Variants in ARMC3 observed in about 807,000 individuals in gnomAD.
The protein encoded by ARMC3 is armadillo repeat containing 3, also known as armadillo repeat-containing protein 3.
In ARMC3, 74 loss-of-function variants were observed where a neutral mutation model predicts 90.3. The ratio of observed to expected loss-of-function variants is 0.82; its 90% CI spans 0.68 to 0.99. ARMC3 has a LOEUF of 0.99. Among genes scored for constraint, ARMC3 ranks in the 50% least tolerant of loss-of-function variants. The pLI is 0.00. For synonymous variants in ARMC3, 334 were observed against 361.8 expected (o/e 0.92, Z 0.87); for missense variants, 958 against 1,042.8 (o/e 0.92, Z 1.12).
intron 10 of ARMC3, among the ~76,000 whole-genome samples, chr10:22,993,271 C>G (rs972313696): frequency 1.3e-5 from 2 of 152,182 alleles, no homozygotes; most frequent in Non-Finnish European, 2.9e-5. Context: ...ACAGAGTCAA[C>G]AATGTCTGCA....
chr10:23,012,374 G>A (rs1041765265), intron 16 of ARMC3, among the ~76,000 whole-genome samples: 3 of 151,912 alleles, frequency 2.0e-5, no homozygotes, highest in African/African-American at 4.8e-5. Context: ...TTGCAATACC[G>A]TAAATATCAA....
At chr10:22,994,884 AC>A (rs1836882312) in intron 10 of ARMC3, among the ~76,000 whole-genome samples, 1 of 152,224 alleles carries the variant, frequency 6.6e-6, no homozygotes, top group African/African-American at 2.4e-5. Flanking sequence ...AATGATATAA[AC>A]AGATGTTTTC....
At position 22,928,079 on chromosome 10, in the gene ARMC3, C is replaced by T. The variant is rs1326271293; in HGVS notation, c.-29C>T. 1.3e-5 allele frequency: 2 copies of T among 152,438 alleles called. No individual in the cohort carries two copies. The highest frequency in any genetic ancestry group is 4.8e-5 in the African/African-American group (2 of 41,474). 9.4% of individuals were successfully genotyped at this position (152,438 alleles called of 1,614,324 possible). A position where few individuals can be genotyped will look rare whatever the true frequency, so the allele number is the denominator to read the frequency against. On this transcript the variant is annotated 5_prime_UTR_variant, in exon 1 of 19. Coordinates refer to ENST00000298032, the MANE Select transcript of ARMC3 (RefSeq NM_173081.5). Reference sequence around the variant, plus strand: ...TTCGTCTGCTGGGTTTGCGGAGCAGCTAGCTACTCGGCGGGATCTCCCGGC... The same window carrying T: ...TTCGTCTGCTGGGTTTGCGGAGCAGTTAGCTACTCGGCGGGATCTCCCGGC...
chr10:22,958,256 A>C (rs180774071), intron 4 of ARMC3, among the ~76,000 whole-genome samples: 4 of 152,308 alleles, frequency 2.6e-5, no homozygotes, highest in Non-Finnish European at 2.9e-5. Flanking sequence ...TAGTATAAAA[A>C]TGTACTTTAA....
intron 10 of ARMC3, among the ~76,000 whole-genome samples, chr10:22,988,632 T>C (rs991831408): frequency 1.3e-5 from 2 of 152,212 alleles, no homozygotes; most frequent in Non-Finnish European, 2.9e-5. Flanking sequence ...GATGGTCATT[T>C]TGAAGGGGGG....
At chr10:22,965,638 C>G (rs1334320837) in intron 7 of ARMC3, among the ~76,000 whole-genome samples, 1 of 152,148 alleles carries the variant, frequency 6.6e-6, no homozygotes, top group Non-Finnish European at 1.5e-5. Context: ...TTCCTTCTCT[C>G]CCTCCGGAAC....
intron 18 of ARMC3, among the ~76,000 whole-genome samples, chr10:23,036,594 C>T (rs558484575): frequency 3.9e-5 from 6 of 152,258 alleles, no homozygotes; most frequent in African/African-American, 1.2e-4. Context: ...TGCTGGGGTG[C>T]GCGGCTAGTC....
intron 10 of ARMC3, among the ~76,000 whole-genome samples, chr10:22,992,525 C>A (rs1269091003): frequency 2.0e-5 from 3 of 152,100 alleles, no homozygotes; most frequent in African/African-American, 4.8e-5. Context: ...TCATTTTAAG[C>A]ATAAGCCTAC....
rs778468001 is a variant in ARMC3 at position 22,959,591 on chromosome 10, AAAAGCGTTCTGATG to A, written c.537+23_537+36del. 6.4e-7 allele frequency: 1 copy of A among 1,568,376 alleles called. No homozygotes were observed. The highest frequency in any genetic ancestry group is 1.2e-5 in the South Asian group (1 of 83,488). ...TTGGTGCAGGTAAGATTAATTTCTA[AAAAGCGTTCTGATG>A]AAAGCTCATTTTAGAATTTATTTTC... On this transcript the variant is annotated intron_variant, in intron 6 of 18. Coordinates refer to ENST00000298032, the MANE Select transcript of ARMC3 (RefSeq NM_173081.5).
At chr10:22,952,681 C>G (rs983865375) in intron 3 of ARMC3, among the ~76,000 whole-genome samples, 2 of 152,116 alleles carry the variant, frequency 1.3e-5, no homozygotes, top group Admixed American at 6.5e-5. Context: ...TTCTGTGAAG[C>G]CACCACTACT....
chr10:22,967,186 A>G (rs953311876), intron 7 of ARMC3, among the ~76,000 whole-genome samples: 1 of 151,964 alleles, frequency 6.6e-6, no homozygotes, highest in African/African-American at 2.4e-5. Context: ...AAGGCCTTCA[A>G]CTCATTAGAT....
At chr10:22,945,440 G>A (rs1834488889) in intron 2 of ARMC3, among the ~76,000 whole-genome samples, 1 of 152,112 alleles carries the variant, frequency 6.6e-6, no homozygotes, top group Admixed American at 6.6e-5. Flanking sequence ...TTTCAATTAT[G>A]CATTTCAATA....
At chr10:23,034,461 T>G (rs369604914) in intron 18 of ARMC3, among the ~76,000 whole-genome samples, 3 of 152,274 alleles carry the variant, frequency 2.0e-5, no homozygotes, top group South Asian at 4.1e-4. Flanking sequence ...GTGAGCAAAC[T>G]GATACCTGGA....
intron 8 of ARMC3, among the ~76,000 whole-genome samples, chr10:22,978,448 A>T (rs778970570): frequency 6.6e-6 from 1 of 152,184 alleles, no homozygotes; most frequent in South Asian, 2.1e-4. Flanking sequence ...CTTGTGATTC[A>T]ATTATCACCA....
At chr10:22,984,565 G>GT (rs1836327872) in intron 10 of ARMC3, among the ~76,000 whole-genome samples, 7 of 151,938 alleles carry the variant, frequency 4.6e-5, no homozygotes, top group African/African-American at 1.7e-4. Context: ...CACACATCTT[G>GT]CTTTCTCATA....
chr10:22,968,252 G>A, intron 7 of ARMC3, 54 bp from the exon 8 acceptor site: 2 of 1,513,400 alleles, frequency 1.3e-6, no homozygotes, highest in Non-Finnish European at 1.8e-6. Context: ...GTCAAATTTG[G>A]GAAGTGTACA....
chr10:22,957,279 G>A (rs1162156103), intron 4 of ARMC3, among the ~76,000 whole-genome samples: 3 of 152,152 alleles, frequency 2.0e-5, no homozygotes, highest in African/African-American at 7.2e-5. Flanking sequence ...TGTGTTCAGG[G>A]ACAGTTATGA....
At chr10:22,934,629 C>A (rs990847099) in intron 2 of ARMC3, among the ~76,000 whole-genome samples, 1 of 152,166 alleles carries the variant, frequency 6.6e-6, no homozygotes, top group Admixed American at 6.5e-5. Flanking sequence ...GGTCCTTACT[C>A]CATTATCCAC....
At chr10:22,938,765 A>G (rs1467699231) in intron 2 of ARMC3, among the ~76,000 whole-genome samples, 1 of 152,220 alleles carries the variant, frequency 6.6e-6, no homozygotes, top group African/African-American at 2.4e-5. Flanking sequence ...ATTCAGAAAA[A>G]TAACAGCTGT....
Sources: gnomAD v4.1 joint callset for allele counts (sites outside exome capture counted in the v4.1 genomes callset) on GRCh38, gnomAD v4.1.1 for gene constraint, MANE v1.5 for transcripts, NCBI Gene and HGNC (gene_info 2026-07-23, HGNC 2026-07-21) for gene names.